GNA14: variants seen among roughly 807,000 people sequenced by gnomAD.
GNA14 encodes the protein guanine nucleotide-binding protein subunit alpha-14.
A neutral mutation model predicts 42.0 loss-of-function variants in GNA14; 50 were observed. That is an observed-to-expected ratio of 1.19 (90% CI 0.95 to 1.51). The LOEUF is 1.51. GNA14 is among the 40% of genes most tolerant of loss of function. The pLI is 0.00. For synonymous variants in GNA14, 173 were observed against 163.1 expected, an observed-to-expected ratio of 1.06 and a Z score of -0.46; for missense variants, 473 against 446.2, an observed-to-expected ratio of 1.06 and a Z score of -0.54.
At chr9:77,587,962 GCCTT>G (rs1823331433) in intron 1 of GNA14, among the ~76,000 whole-genome samples, 1 of 152,142 alleles carries the variant, frequency 6.6e-6, no homozygotes, top group South Asian at 2.1e-4. Context: ...AAGGCCATCT[GCCTT>G]CCTTGGCTTT....
At chr9:77,546,347 C>T (rs1837720472) in intron 1 of GNA14, among the ~76,000 whole-genome samples, 1 of 152,010 alleles carries the variant, frequency 6.6e-6, no homozygotes, top group African/African-American at 2.4e-5. Flanking sequence ...ATACCCTCCC[C>T]TTGTAAATCT....
chr9:77,630,705 A>C (rs1824084154), intron 1 of GNA14, among the ~76,000 whole-genome samples: 1 of 151,842 alleles, frequency 6.6e-6, no homozygotes. Context: ...GCCTTAGAAA[A>C]ACTAGTTTTT....
intron 2 of GNA14, among the ~76,000 whole-genome samples, chr9:77,444,471 C>T (rs1835781882): frequency 6.6e-6 from 1 of 152,192 alleles, no homozygotes; most frequent in African/African-American, 2.4e-5. Flanking sequence ...GACACCTGTG[C>T]AGGTTCCACT....
intron 2 of GNA14, among the ~76,000 whole-genome samples, chr9:77,512,718 A>G (rs943174852): frequency 6.6e-6 from 1 of 152,170 alleles, no homozygotes; most frequent in Non-Finnish European, 1.5e-5. Flanking sequence ...ATCTTTTTAT[A>G]TCAATAAACA....
At chr9:77,465,844 C>T (rs1218509448) in intron 2 of GNA14, among the ~76,000 whole-genome samples, 1 of 152,138 alleles carries the variant, frequency 6.6e-6, no homozygotes, top group African/African-American at 2.4e-5. Flanking sequence ...TGGGCTCAAG[C>T]AGTCCTCCCA....
At chr9:77,485,902 A>C (rs1836652049) in intron 2 of GNA14, among the ~76,000 whole-genome samples, 2 of 152,178 alleles carry the variant, frequency 1.3e-5, no homozygotes, top group Admixed American at 1.3e-4. Context: ...TTTATAGAGC[A>C]CAGGTAGAGT....
intron 1 of GNA14, among the ~76,000 whole-genome samples, chr9:77,553,212 T>C (rs10869945): frequency 0.43 from 66,125 of 152,026 alleles, 16,689 homozygotes; most frequent in East Asian, 0.59. Context: ...TTCTTGGATA[T>C]ACCCGGGCTC....
intron 2 of GNA14, among the ~76,000 whole-genome samples, chr9:77,519,026 T>C (rs1837307790): frequency 6.6e-6 from 1 of 152,218 alleles, no homozygotes; most frequent in African/African-American, 2.4e-5. Context: ...GAAAACATTG[T>C]GGCTGTCAAA....
intron 2 of GNA14, among the ~76,000 whole-genome samples, chr9:77,448,018 T>C (rs1454225095): frequency 6.6e-6 from 1 of 152,226 alleles, no homozygotes; most frequent in African/African-American, 2.4e-5. Context: ...ATGATGCCAG[T>C]GTATGCTTTC....
intron 1 of GNA14, among the ~76,000 whole-genome samples, chr9:77,608,478 C>A (rs1160075028): frequency 6.6e-6 from 1 of 152,042 alleles, no homozygotes; most frequent in Non-Finnish European, 1.5e-5. Flanking sequence ...AAAGGCCCAC[C>A]CCATGTGATT....
intron 1 of GNA14, among the ~76,000 whole-genome samples, chr9:77,531,047 G>A (rs1211309327): frequency 1.3e-5 from 2 of 152,198 alleles, no homozygotes; most frequent in Admixed American, 6.5e-5. Flanking sequence ...AGCCCTGCCT[G>A]CTTTAGGCCC....
intron 2 of GNA14, among the ~76,000 whole-genome samples, chr9:77,473,313 T>C (rs1836363665): frequency 2.0e-5 from 3 of 151,924 alleles, no homozygotes; most frequent in African/African-American, 7.3e-5. Context: ...AAAAATTAGC[T>C]GGGTGTGGTG....
At chr9:77,606,843 G>C (rs1054044465) in intron 1 of GNA14, among the ~76,000 whole-genome samples, 1 of 152,188 alleles carries the variant, frequency 6.6e-6, no homozygotes, top group African/African-American at 2.4e-5. Flanking sequence ...AGGCCTTTGG[G>C]AGGTAATTAG....
At chr9:77,464,511 C>A (rs1324699032) in intron 2 of GNA14, among the ~76,000 whole-genome samples, 2 of 151,166 alleles carry the variant, frequency 1.3e-5, no homozygotes, top group Admixed American at 1.3e-4. Context: ...CTTTCTTAAT[C>A]TAGGGATATT....
At chr9:77,500,520 A>ATATCT (rs1836948546) in intron 2 of GNA14, among the ~76,000 whole-genome samples, 1 of 152,196 alleles carries the variant, frequency 6.6e-6, no homozygotes, top group East Asian at 1.9e-4. Flanking sequence ...GGACATTGAC[A>ATATCT]TGAGTACAGT....
In GNA14 at chr9:77,429,737, G is replaced by A. The variant is rs768416994; in HGVS notation, c.594-701C>T. ...CCCTGTCTACAGGGAAGCCTGCCGC[G>A]TACCTGCAGCCAAGCTCTGCAGAAC... is the stretch of plus-strand genomic sequence containing the variant. On this transcript the variant is annotated intron_variant, in intron 4 of 6. Transcript: ENST00000341700. Among the ~76,000 whole-genome samples the A allele has an allele frequency of 4.8e-4, 73 of 152,226 alleles. 1 individual carries two copies. The highest frequency in any genetic ancestry group is 1.1e-3 in the Admixed American group (17 of 15,286).
At chr9:77,472,843 G>C (rs1204147769) in intron 2 of GNA14, among the ~76,000 whole-genome samples, 3 of 150,136 alleles carry the variant, frequency 2.0e-5, no homozygotes, top group African/African-American at 7.4e-5. Flanking sequence ...ACAAAGAAGA[G>C]GTCATGTGAA....
chr9:77,532,318 C>T (rs1837541731), intron 1 of GNA14, among the ~76,000 whole-genome samples: 1 of 152,174 alleles, frequency 6.6e-6, no homozygotes, highest in Non-Finnish European at 1.5e-5. Flanking sequence ...ATCCATCGCT[C>T]CCATCAGCTT....
At chr9:77,615,863 T>G (rs1000278447) in intron 1 of GNA14, among the ~76,000 whole-genome samples, 6 of 138,936 alleles carry the variant, frequency 4.3e-5, no homozygotes, top group African/African-American at 6.3e-5. Flanking sequence ...TTTTGTTTTT[T>G]GGGGTTTTTT....
Sources: allele counts gnomAD v4.1 joint callset (sites outside exome capture counted in the v4.1 genomes callset), GRCh38; gene constraint gnomAD v4.1.1; transcripts MANE v1.5; gene names NCBI Gene and HGNC (gene_info 2026-07-23, HGNC 2026-07-21).